Variants in SH3BP1 observed in about 807,000 individuals in gnomAD.
SH3BP1 encodes the protein SH3 domain binding protein 1.
SH3BP1 carries 46 observed loss-of-function variants against 69.8 expected under a neutral mutation model. That is an observed-to-expected ratio of 0.66 (90% CI 0.52 to 0.84). The LOEUF (loss-of-function observed/expected upper bound fraction) is 0.84. Ranked by LOEUF, SH3BP1 falls within the 40% of genes least tolerant of loss-of-function variation. The pLI is 0.00. For missense variants in SH3BP1, 868 were observed against 930.9 expected, an observed-to-expected ratio of 0.93 and a Z score of 0.88; for synonymous variants, 403 against 378.0, an observed-to-expected ratio of 1.07 and a Z score of -0.77.
chr22:37,645,460 C>T lies in SH3BP1; in HGVS notation c.874C>T (p.Pro292Ser), dbSNP rs1402598329. ...LQELGREIAL[P>S]IEACVMMLLS... ...AGAGCTGGGCCGGGAGATTGCCCTGCCCATCGAGGCCTGCGTCATGATGCT... is the reference window on the plus strand; with the variant it reads ...AGAGCTGGGCCGGGAGATTGCCCTGTCCATCGAGGCCTGCGTCATGATGCT... Residue 292 changes from proline (P) to serine (S), a missense_variant, in exon 10 of 18, where the codon CCC (proline) becomes TCC (serine). By Grantham distance (74) the Pro-to-Ser change is moderately conservative. This residue lies in a region of SH3BP1 where 387 missense variants were observed against 447.9 expected (regional missense o/e 0.86). Transcript: ENST00000649765. 2 of 1,613,682 alleles carry T rather than the reference C, an allele frequency of 1.2e-6. No homozygotes were observed. Among genetic ancestry groups the T allele is most frequent in the East Asian group, 2.2e-5 (1 of 44,892 alleles).
At chr22:37,652,825 CAAAAAA>C (rs34342757) in intron 16 of SH3BP1, among the ~76,000 whole-genome samples, 1 of 97,826 alleles carries the variant, frequency 1.0e-5, no homozygotes, top group African/African-American at 3.5e-5. Flanking sequence ...AACTCCATCT[CAAAAAA>C]AAAAAAAAAA....
In SH3BP1 at chr22:37,655,801, C is replaced by T; in HGVS notation, c.*117C>T. On this transcript the variant is annotated 3_prime_UTR_variant, in exon 18 of 18. Coordinates refer to ENST00000649765, the MANE Select transcript of SH3BP1 (RefSeq NM_018957.6). ...GGCCTCCAGCCTTTGCCCACAAGTG[C>T]CTCAGTGCCCACTGGGTCGGCCCCC... 2 of 1,453,380 alleles carry T rather than the reference C, an allele frequency of 1.4e-6. No homozygotes were observed. Among genetic ancestry groups the T allele is most frequent in the Non-Finnish European group, 1.8e-6 (2 of 1,109,280 alleles). The allele number at this position is 1,453,380 out of a possible 1,614,324, so 90.0% of individuals were successfully genotyped here.
intron 16 of SH3BP1, among the ~76,000 whole-genome samples, chr22:37,651,165 C>G (rs1414110350): frequency 1.3e-5 from 2 of 152,024 alleles, no homozygotes; most frequent in Non-Finnish European, 2.9e-5. Flanking sequence ...TCCCGAGTAA[C>G]TGGGATTACA....
chr22:37,641,101 C>CCA, intron 1 of SH3BP1, 25 bp from the exon 2 acceptor site: 2 of 1,004,300 alleles, frequency 2.0e-6, no homozygotes, highest in Non-Finnish European at 2.8e-6. Flanking sequence ...AGCACTCTCC[C>CCA]CCCCCCCCCC....
intron 13 of SH3BP1, 47 bp downstream of exon 13, chr22:37,647,568 G>A (rs1208938438): frequency 6.6e-7 from 1 of 1,511,392 alleles, no homozygotes; most frequent in East Asian, 2.3e-5. Context: ...CCAGAGCCCA[G>A]CTGAGGTCAC....
chr22:37,645,712 C>T (rs1433042570), intron 10 of SH3BP1, among the ~76,000 whole-genome samples: 1 of 152,184 alleles, frequency 6.6e-6, no homozygotes, highest in African/African-American at 2.4e-5. Context: ...TACTAGAAGC[C>T]TTTGCATTCC....
chr22:37,641,294 TCC>T, intron 2 of SH3BP1, 78 bp from the exon 3 acceptor site: 1 of 1,517,144 alleles, frequency 6.6e-7, no homozygotes, highest in Non-Finnish European at 9.0e-7. Context: ...GGCCATGGGG[TCC>T]CCAGGGGACA....
In SH3BP1 at chr22:37,647,267, G is replaced by A. The variant is rs1282175330; in HGVS notation, c.1037G>A (p.Gly346Asp). Reference sequence around the variant, plus strand: ...GACCCTCCCCACACCCCTCCTTCAGGTGCCCTCAAGTCCTATCTGCGGGAG... The same window carrying A: ...GACCCTCCCCACACCCCTCCTTCAGATGCCCTCAAGTCCTATCTGCGGGAG... ...EFCSDPHAVA[G>D]ALKSYLRELP... is the part of the protein sequence containing the mutation. Residue 346 changes from glycine to aspartate, a missense_variant and splice_region_variant, in exon 12 of 18, where the codon GGT becomes GAT. Around this residue, in one of 3 missense-constraint regions of SH3BP1, gnomAD observed 7 missense variants for 20.7 expected, o/e 0.34. Coordinates refer to ENST00000649765, the MANE Select transcript of SH3BP1 (RefSeq NM_018957.6). 5.0e-6 allele frequency: 8 copies of A among 1,613,892 alleles called. No individual in the cohort carries two copies. Among genetic ancestry groups the A allele is most frequent in the East Asian group, 2.2e-5 (1 of 44,880 alleles).
intron 16 of SH3BP1, among the ~76,000 whole-genome samples, chr22:37,651,335 C>CT (rs796111906): frequency 0.012 from 1,587 of 136,602 alleles, 14 homozygotes; most frequent in African/African-American, 0.026. Flanking sequence ...CACCCAGCCT[C>CT]TTTTTTTTTT....
rs1281534490 is a variant in SH3BP1 at position 37,639,701 on chromosome 22, C to T, written c.-87C>T. The T allele has an allele frequency of 1.5e-5, 12 of 827,092 alleles. No homozygotes were observed. The highest frequency in any genetic ancestry group is 1.9e-5 in the Non-Finnish European group (11 of 568,990). 51.2% of individuals were successfully genotyped at this position (827,092 alleles called of 1,614,324 possible). A position where few individuals can be genotyped will look rare whatever the true frequency, so the allele number is the denominator to read the frequency against. The stretch of plus-strand genomic sequence containing the variant: ...CCGCCCACCCATCCGGGGCAAGAGC[C>T]GCGCCGCAGGAGAGGCAGGCTGGAC... On this transcript the variant is annotated 5_prime_UTR_variant, in exon 1 of 18. Transcript: ENST00000649765.
At chr22:37,645,163 G>T in intron 9 of SH3BP1, 1 of 833,768 alleles carries the variant, frequency 1.2e-6, no homozygotes, top group Non-Finnish European at 1.8e-6. Flanking sequence ...GGCCTGTGAG[G>T]CAGAAGGAGG....
chr22:37,647,016 G>C, intron 11 of SH3BP1, 87 bp downstream of exon 11: 1 of 904,486 alleles, frequency 1.1e-6, no homozygotes. Context: ...CTGGCTTTAA[G>C]ACTTGATATT....
chr22:37,647,643 T>C (rs1361151548), intron 13 of SH3BP1, 122 bp downstream of exon 13: 1 of 606,518 alleles, frequency 1.6e-6, no homozygotes, highest in Non-Finnish European at 2.6e-6. Flanking sequence ...TTACTGAAAA[T>C]GCAGCTTTGA....
At chr22:37,641,232 CGGGGCGGGGACGCCAGGTAG>C in intron 2 of SH3BP1, 64 bp downstream of exon 2, 2 of 1,531,430 alleles carry the variant, frequency 1.3e-6, no homozygotes, top group Non-Finnish European at 1.8e-6. Flanking sequence ...AGCAGAGGGC[CGGGGCGGGGACGCCAGGTAG>C]GGGCCTGGGT....
chr22:37,645,451 A>G lies in SH3BP1; in HGVS notation c.865A>G (p.Ile289Val). 6.2e-7 allele frequency: 1 copy of G among 1,613,750 alleles called. No homozygotes were observed. Among genetic ancestry groups the G allele is most frequent in the Non-Finnish European group, 8.5e-7 (1 of 1,179,800 alleles). ...CCACCTGCAAGAGCTGGGCCGGGAGATTGCCCTGCCCATCGAGGCCTGCGT... is the reference window on the plus strand; with the variant it reads ...CCACCTGCAAGAGCTGGGCCGGGAGGTTGCCCTGCCCATCGAGGCCTGCGT... ...ATHLQELGRE[I>V]ALPIEACVMM... Residue 289 changes from isoleucine to valine, a missense_variant, in exon 10 of 18, where the codon ATT becomes GTT. Ile to Val is a conservative substitution (Grantham distance 29, BLOSUM62 3). Coordinates refer to ENST00000649765, the MANE Select transcript of SH3BP1 (RefSeq NM_018957.6).
At chr22:37,644,546 T>TG in intron 7 of SH3BP1, 91 bp from the exon 8 acceptor site, 1 of 1,247,030 alleles carries the variant, frequency 8.0e-7, no homozygotes, top group Non-Finnish European at 1.2e-6. Flanking sequence ...TTGTGTGGCC[T>TG]GGGGGAGGTC....
Position 37,655,543 on chromosome 22 carries a change from C to T in SH3BP1, c.1965C>T (p.Val655=). The change falls in exon 18 of 18, where the codon GTC becomes GTT. Residue 655 remains valine, a synonymous_variant. Coordinates refer to ENST00000649765, the MANE Select transcript of SH3BP1 (RefSeq NM_018957.6). The part of the protein sequence containing the change: ...ASPGPASPSP[V]SLSNPAQVDL... ...CAGGTCCAGCCTCCCCCAGCCCAGT[C>T]TCTTTGAGTAACCCTGCACAGGTGG... 2 of 1,592,436 alleles carry T rather than the reference C, an allele frequency of 1.3e-6. No individual in the cohort carries two copies. The highest frequency in any genetic ancestry group is 8.5e-7 in the Non-Finnish European group (1 of 1,170,886).
rs369459352 is a variant in SH3BP1 at position 37,650,290 on chromosome 22, C to T, written c.1414+41C>T. 61 of 1,558,960 alleles carry T rather than the reference C, an allele frequency of 3.9e-5. No homozygotes were observed. The East Asian group carries it at 1.4e-3, about 36-fold the overall frequency. The stretch of plus-strand genomic sequence containing the variant: ...GCATGGACGCCCTGCTGGGTGCCCT[C>T]CTTCTGCCCTGCTCCCTCCCCTGTA... On this transcript the variant is annotated intron_variant, in intron 15 of 17. Transcript: ENST00000649765.
At chr22:37,643,352 G>A (rs75617922) in intron 6 of SH3BP1, 178 bp downstream of exon 6, 46,454 of 673,762 alleles carry the variant, frequency 0.069, 1,923 homozygotes, top group South Asian at 0.12. Flanking sequence ...GTGAGGGTGT[G>A]CCCGCGTGTG....
Sources: allele counts gnomAD v4.1 joint callset (sites outside exome capture counted in the v4.1 genomes callset), GRCh38; gene constraint gnomAD v4.1.1; regional missense constraint gnomAD v4.1.1; transcripts MANE v1.5; gene names NCBI Gene and HGNC (gene_info 2026-07-23, HGNC 2026-07-21).